The following ZDHHC23 variants were observed in gnomAD, a reference collection of about 807,000 sequenced individuals.
The protein encoded by ZDHHC23 is palmitoyltransferase ZDHHC23.
In ZDHHC23, 41 loss-of-function variants were observed where a neutral mutation model predicts 40.2. That is an observed-to-expected ratio of 1.02 (90% CI 0.79 to 1.32). The LOEUF (loss-of-function observed/expected upper bound fraction) is 1.32, where lower values mean the gene tolerates loss of function less well. Among genes scored for constraint, ZDHHC23 ranks in the 40% most tolerant of loss-of-function variants. The pLI is 0.00. For missense variants in ZDHHC23, 471 were observed against 541.5 expected (o/e 0.87, Z 1.29); for synonymous variants, 204 against 210.2 (o/e 0.97, Z 0.26).
chr3:113,978,155 G>C, the ZDHHC23 span: 4 of 1,610,048 alleles, frequency 2.5e-6, no homozygotes, highest in Non-Finnish European at 3.4e-6. Context: ...TGAAGTCAGA[G>C]AGTGAATTTT....
chr3:113,964,718 T>C (rs62265442), downstream of ZDHHC23: 16,986 of 152,406 alleles, frequency 0.11, 1,154 homozygotes, highest in Admixed American at 0.19. Context: ...GTGTCACTGA[T>C]GCTACTGCAC....
At position 113,960,352 on chromosome 3, in the gene ZDHHC23, T is replaced by C. The variant is rs1305632032; in HGVS notation, c.*1722T>C. ...GGATGTTAGCAGACTCTGGGGTTTG[T>C]ACAGTGATGCCTTCTCCCTGGCCCA... On this transcript the variant is annotated 3_prime_UTR_variant, in exon 5 of 5. Coordinates refer to ENST00000638807, the MANE Select transcript of ZDHHC23 (RefSeq NM_001320466.2). 16 of 1,125,048 alleles carry C rather than the reference T, an allele frequency of 1.4e-5. No homozygotes were observed. Among genetic ancestry groups the C allele is most frequent in the African/African-American group, 1.7e-5 (1 of 59,298 alleles). The allele number at this position is 1,125,048 out of a possible 1,614,324, so 69.7% of individuals were successfully genotyped here.
At chr3:113,976,806 G>A in the ZDHHC23 span, among the ~76,000 whole-genome samples, 1 of 152,118 alleles carries the variant, frequency 6.6e-6, no homozygotes, top group Admixed American at 6.5e-5. Context: ...AAGGTTATTT[G>A]TTCAGGGTCA....
downstream of ZDHHC23, among the ~76,000 whole-genome samples, chr3:113,969,348 CT>C (rs1312306390): frequency 1.3e-5 from 2 of 152,180 alleles, no homozygotes; most frequent in African/African-American, 4.8e-5. Flanking sequence ...AACTTTTTAG[CT>C]TGATGTAATC....
intron 2 of ZDHHC23, among the ~76,000 whole-genome samples, chr3:113,952,287 AAC>A (rs1324623765): frequency 8.5e-5 from 13 of 152,224 alleles, no homozygotes; most frequent in Admixed American, 3.9e-4. Context: ...GTAGGACACA[AAC>A]ACAATTCCAC....
chr3:113,965,048 C>G (rs531212298), downstream of ZDHHC23: 3 of 578,878 alleles, frequency 5.2e-6, no homozygotes, highest in East Asian at 8.9e-5. Flanking sequence ...TAAGAAGTAG[C>G]TCGTAGAGAA....
intron 3 of ZDHHC23, among the ~76,000 whole-genome samples, chr3:113,955,389 T>TGC (rs199620524): frequency 0.07 from 9,824 of 140,064 alleles, 372 homozygotes; most frequent in East Asian, 0.12. Context: ...TGTGTGTGTG[T>TGC]GTGCGTGTGT....
downstream of ZDHHC23, chr3:113,964,160 T>G (rs1229121019): frequency 6.6e-6 from 1 of 152,190 alleles, no homozygotes; most frequent in African/African-American, 2.4e-5. Context: ...CCACAGAATT[T>G]TATTTTGTCA....
intron 2 of ZDHHC23, among the ~76,000 whole-genome samples, chr3:113,953,444 T>G (rs974293939): frequency 6.6e-6 from 1 of 152,228 alleles, no homozygotes; most frequent in Non-Finnish European, 1.5e-5. Flanking sequence ...GATGTAAACA[T>G]TACTTGCAGC....
In ZDHHC23 at chr3:113,953,595, T is replaced by C. The variant is rs1179795049; in HGVS notation, c.162-105T>C. 7 of 978,226 alleles carry C rather than the reference T, an allele frequency of 7.2e-6. No homozygotes were observed. In the East Asian group the frequency reaches 7.7e-5, roughly 11 times the overall value. 60.6% of individuals were successfully genotyped at this position (978,226 alleles called of 1,614,324 possible). On this transcript the variant is annotated intron_variant, in intron 2 of 4. Transcript: ENST00000638807. ...GTAAGGAAGTAAAATGCTTGGTCTT[T>C]GGTAGCTTTTATCGTTTATCCCACT... is the stretch of plus-strand genomic sequence containing the variant.
the ZDHHC23 span, among the ~76,000 whole-genome samples, chr3:113,977,591 GA>G: frequency 3.3e-5 from 5 of 152,062 alleles, no homozygotes; most frequent in Non-Finnish European, 1.5e-5. Context: ...TCCAAACCAG[GA>G]AAAACTATAG....
At chr3:113,953,626 G>A in intron 2 of ZDHHC23, 74 bp from the exon 3 acceptor site, 1 of 1,300,696 alleles carries the variant, frequency 7.7e-7, no homozygotes. Flanking sequence ...CCACTGTTTG[G>A]CATTCAGTGT....
the ZDHHC23 span, among the ~76,000 whole-genome samples, chr3:113,974,752 C>CTGTT: frequency 2.0e-5 from 3 of 152,010 alleles, no homozygotes; most frequent in Non-Finnish European, 4.4e-5. Context: ...TGTAATTTAC[C>CTGTT]TGTTTAATTT....
In ZDHHC23 at chr3:113,948,815, G is replaced by A. The variant is rs1938380208; in HGVS notation, c.13G>A (p.Gly5Ser). Residue 5 changes from glycine to serine, a missense_variant, in exon 2 of 5, where the codon GGC (glycine) becomes AGC (serine). By Grantham distance (56) the Gly-to-Ser change is moderately conservative. Around this residue, in one of 3 missense-constraint regions of ZDHHC23, gnomAD observed 83 missense variants for 67.8 expected, o/e 1.22. Coordinates refer to ENST00000638807, the MANE Select transcript of ZDHHC23 (RefSeq NM_001320466.2). ...ACAGGTGCAAATCATGACACAGAAG[G>A]GCAGTATGAAGCCTGTGAAGAAAAA... is the stretch of plus-strand genomic sequence containing the variant. MTQK[G>S]SMKPVKKKKT... 6.2e-7 allele frequency: 1 copy of A among 1,614,176 alleles called. No homozygotes were observed. Among genetic ancestry groups the A allele is most frequent in the Non-Finnish European group, 8.5e-7 (1 of 1,180,032 alleles).
downstream of ZDHHC23, among the ~76,000 whole-genome samples, chr3:113,970,055 A>G (rs760152241): frequency 9.9e-5 from 15 of 152,080 alleles, no homozygotes; most frequent in Non-Finnish European, 1.6e-4. Flanking sequence ...CAGTATATAG[A>G]TCTTTCACTT....
At chr3:113,977,145 A>AAAT in the ZDHHC23 span, among the ~76,000 whole-genome samples, 1 of 152,260 alleles carries the variant, frequency 6.6e-6, no homozygotes, top group East Asian at 1.9e-4. Flanking sequence ...AAAAAGACAA[A>AAAT]AATTAGCCGG....
At chr3:113,953,088 A>G (rs1031548253) in intron 2 of ZDHHC23, among the ~76,000 whole-genome samples, 1 of 152,222 alleles carries the variant, frequency 6.6e-6, no homozygotes, top group African/African-American at 2.4e-5. Context: ...ATTCTTCTCT[A>G]TGTAGCCCTG....
rs978262841 is a variant in ZDHHC23 at position 113,962,873 on chromosome 3, G to C, written c.*4243G>C. 3.9e-5 allele frequency: 6 copies of C among 152,136 alleles called. No individual in the cohort carries two copies. The highest frequency in any genetic ancestry group is 7.2e-5 in the African/African-American group (3 of 41,434). The allele number at this position is 152,136 out of a possible 1,614,324, so 9.4% of individuals were successfully genotyped here. On this transcript the variant is annotated 3_prime_UTR_variant, in exon 5 of 5. Coordinates refer to ENST00000638807, the MANE Select transcript of ZDHHC23 (RefSeq NM_001320466.2). ...ATATCCTCTTATCACCTCAGACTCA[G>C]ACACAAGGCCTTTTACATGGAAATT... is the stretch of plus-strand genomic sequence containing the variant.
intron 2 of ZDHHC23, among the ~76,000 whole-genome samples, chr3:113,950,458 A>G (rs1938553963): frequency 6.6e-6 from 1 of 152,106 alleles, no homozygotes; most frequent in African/African-American, 2.4e-5. Context: ...GAAGGGGTGA[A>G]TAAGCTCATA....
Sources: gnomAD v4.1 joint callset for allele counts (sites outside exome capture counted in the v4.1 genomes callset) on GRCh38, gnomAD v4.1.1 for gene constraint, gnomAD v4.1.1 regional missense constraint, MANE v1.5 for transcripts, NCBI Gene and HGNC (gene_info 2026-07-23, HGNC 2026-07-21) for gene names.